The following PROM1 variants were observed in gnomAD, a reference collection of about 807,000 sequenced individuals.
The protein encoded by PROM1 is prominin-1.
A neutral mutation model predicts 116.9 loss-of-function variants in PROM1; 105 were observed. The ratio of observed to expected loss-of-function variants is 0.90; its 90% CI spans 0.77 to 1.06. PROM1 has a LOEUF of 1.06. Ranked by LOEUF, PROM1 falls within the 50% of genes least tolerant of loss-of-function variation. The pLI is 0.00. For missense variants in PROM1, 1,122 were observed against 1,045.2 expected (o/e 1.07, Z -1.01); for synonymous variants, 393 against 387.0 (o/e 1.02, Z -0.18).
chr4:16,004,868 TC>T (rs1560460639), intron 13 of PROM1, among the ~76,000 whole-genome samples: 10 of 128,288 alleles, frequency 7.8e-5, no homozygotes, highest in Non-Finnish European at 1.2e-4. Flanking sequence ...TTCCTCTCTC[TC>T]TCCCTCTCTC....
At chr4:16,018,299 C>T (rs1408737543) in intron 9 of PROM1, 24 bp downstream of exon 9, 2 of 1,607,070 alleles carry the variant, frequency 1.2e-6, no homozygotes, top group Non-Finnish European at 1.7e-6. Flanking sequence ...AGCCCTTGAC[C>T]ATGGCAAGCT....
intron 2 of PROM1, among the ~76,000 whole-genome samples, chr4:16,042,847 T>C (rs1300610730): frequency 6.6e-6 from 1 of 152,170 alleles, no homozygotes; most frequent in Non-Finnish European, 1.5e-5. Flanking sequence ...TCAACGGAGC[T>C]AACACCCAGT....
chr4:15,991,430 G>A, intron 17 of PROM1, 137 bp from the exon 18 acceptor site: 1 of 557,234 alleles, frequency 1.8e-6, no homozygotes. Flanking sequence ...TTAAACAGGT[G>A]GCAACATTTG....
chr4:16,080,910 C>T (rs1297425604), intron 1 of PROM1, among the ~76,000 whole-genome samples: 1 of 152,152 alleles, frequency 6.6e-6, no homozygotes, highest in African/African-American at 2.4e-5. Context: ...GTTCTGGCAG[C>T]CGCAGCCACC....
intron 12 of PROM1, 83 bp from the exon 13 acceptor site, chr4:16,006,773 C>G: frequency 7.2e-7 from 1 of 1,381,114 alleles, no homozygotes; most frequent in Non-Finnish European, 1.0e-6. Flanking sequence ...AGGCTGGAGC[C>G]GATGAGTTAT....
rs1309469017 is a variant in PROM1 at position 16,025,239 on chromosome 4, C to T, written c.583G>A (p.Asp195Asn). 10 of 1,613,830 alleles carry T rather than the reference C, an allele frequency of 6.2e-6. No individual in the cohort carries two copies. The highest frequency in any genetic ancestry group is 8.5e-6 in the Non-Finnish European group (10 of 1,179,792). The change falls in exon 6 of 28, where the codon GAT becomes AAT. Residue 195 changes from aspartate (D) to asparagine (N), a missense_variant. Physicochemically the swap from Asp to Asn is conservative, Grantham distance 23 (BLOSUM62 1). Coordinates refer to ENST00000447510, the MANE Select transcript of PROM1 (RefSeq NM_006017.3). ...TRIKRSRKLA[D>N]SNFKDLRTLL... ...GTTCGCAAGTCCTTGAAATTGCTAT[C>T]TGCCAGTTTCCGACTCCTTTTGATC...
At chr4:16,007,700 G>A (rs973794343) in intron 12 of PROM1, among the ~76,000 whole-genome samples, 2 of 152,192 alleles carry the variant, frequency 1.3e-5, no homozygotes, top group African/African-American at 2.4e-5. Context: ...GGAAAAGGAA[G>A]GGAGATGGAT....
At chr4:16,040,832 G>A (rs559862232) in intron 2 of PROM1, among the ~76,000 whole-genome samples, 88 of 152,290 alleles carry the variant, frequency 5.8e-4, no homozygotes, top group Middle Eastern at 6.8e-3. Context: ...AGTATCCATG[G>A]TAAGTGCAGT....
chr4:16,039,488 A>G (rs1292340974), intron 2 of PROM1, among the ~76,000 whole-genome samples: 1 of 152,220 alleles, frequency 6.6e-6, no homozygotes, highest in African/African-American at 2.4e-5. Context: ...CCGTAATCCC[A>G]GCACTTTGGG....
chr4:15,974,110 C>G (rs535711813), intron 26 of PROM1, among the ~76,000 whole-genome samples: 1 of 72,648 alleles, frequency 1.4e-5, no homozygotes, highest in African/African-American at 3.3e-5. Context: ...CACACACACT[C>G]TCTCTCTTTC....
chr4:16,042,944 A>G (rs1362883261), intron 2 of PROM1, among the ~76,000 whole-genome samples: 1 of 152,222 alleles, frequency 6.6e-6, no homozygotes, highest in Non-Finnish European at 1.5e-5. Flanking sequence ...CAAAAATGCA[A>G]AAACCAATGC....
Position 16,025,251 on chromosome 4 carries a change from G to A in PROM1, c.571C>T (p.Arg191Trp), listed in dbSNP as rs751697981. 1.5e-5 allele frequency: 24 copies of A among 1,613,794 alleles called. No homozygotes were observed. Among genetic ancestry groups the A allele is most frequent in the Non-Finnish European group, 1.6e-5 (19 of 1,179,722 alleles). Residue 191 changes from arginine (R) to tryptophan (W), a missense_variant, in exon 6 of 28, where the codon CGG (arginine) becomes TGG (tryptophan). By Grantham distance (101) the Arg-to-Trp change is moderately radical. Transcript: ENST00000447510. ...TTGAAATTGCTATCTGCCAGTTTCC[G>A]ACTCCTTTTGATCCGGGTTCTTACC... ...HQVRTRIKRS[R>W]KLADSNFKDL...
intron 15 of PROM1, 92 bp from the exon 16 acceptor site, chr4:15,994,163 C>T: frequency 6.3e-7 from 1 of 1,577,542 alleles, no homozygotes; most frequent in Non-Finnish European, 8.6e-7. Flanking sequence ...CTCACTGTTT[C>T]TCCTTGTTTA....
At chr4:16,005,961 T>G (rs1407343198) in intron 13 of PROM1, among the ~76,000 whole-genome samples, 1 of 152,228 alleles carries the variant, frequency 6.6e-6, no homozygotes, top group African/African-American at 2.4e-5. Context: ...TCAATGTCTT[T>G]GAAGCAGGGA....
At chr4:16,009,248 C>T (rs1726279529) in intron 11 of PROM1, 140 bp from the exon 12 acceptor site, 1 of 702,722 alleles carries the variant, frequency 1.4e-6, no homozygotes, top group South Asian at 1.9e-5. Flanking sequence ...TAAGATTCTT[C>T]AACAAGCATG....
chr4:16,014,033 G>A (rs867897253), intron 10 of PROM1, among the ~76,000 whole-genome samples: 2 of 152,180 alleles, frequency 1.3e-5, no homozygotes, highest in Non-Finnish European at 2.9e-5. Context: ...CGTGCCGAGC[G>A]ATAGGGCTTT....
chr4:16,077,734 G>T (rs914947755), intron 1 of PROM1, among the ~76,000 whole-genome samples: 7 of 152,044 alleles, frequency 4.6e-5, no homozygotes, highest in Admixed American at 1.3e-4. Context: ...TCCCTCTCAG[G>T]CTCTAGTACG....
chr4:16,004,681 T>A (rs578248323), intron 13 of PROM1, among the ~76,000 whole-genome samples: 3 of 152,294 alleles, frequency 2.0e-5, no homozygotes, highest in Admixed American at 2.0e-4. Context: ...AACCTAATAA[T>A]CTTCTGTTTA....
At chr4:16,024,142 G>A (rs556466065) in intron 7 of PROM1, among the ~76,000 whole-genome samples, 153 bp downstream of exon 7, 4 of 152,278 alleles carry the variant, frequency 2.6e-5, no homozygotes, top group Middle Eastern at 3.4e-3. Flanking sequence ...GATTCTAATC[G>A]CTGAGTAACA....
Sources: gnomAD v4.1 joint callset for allele counts (sites outside exome capture counted in the v4.1 genomes callset) on GRCh38, gnomAD v4.1.1 for gene constraint, MANE v1.5 for transcripts, NCBI Gene and HGNC (gene_info 2026-07-23, HGNC 2026-07-21) for gene names.